Variants in SCHIP1 observed in about 807,000 individuals in gnomAD.
The protein encoded by SCHIP1 is schwannomin-interacting protein 1.
A neutral mutation model predicts 29.7 loss-of-function variants in SCHIP1; 8 were observed. The observed-to-expected ratio is 0.27, with a 90% CI of 0.16 to 0.49. The LOEUF is 0.49. Among genes scored for constraint, SCHIP1 ranks in the 20% least tolerant of loss-of-function variants. The pLI is 0.99. For synonymous variants in SCHIP1, 76 were observed against 94.9 expected, an observed-to-expected ratio of 0.80 and a Z score of 1.16; for missense variants, 193 against 294.6, an observed-to-expected ratio of 0.66 and a Z score of 2.52.
the SCHIP1 span, among the ~76,000 whole-genome samples, chr3:159,533,074 T>A: frequency 6.6e-6 from 1 of 152,214 alleles, no homozygotes; most frequent in African/African-American, 2.4e-5. Flanking sequence ...CACAGTCTAC[T>A]GGGTAAAATG....
chr3:159,589,363 T>A, the SCHIP1 span, among the ~76,000 whole-genome samples: 1 of 152,330 alleles, frequency 6.6e-6, no homozygotes, highest in East Asian at 1.9e-4. Context: ...GATTTTGGGC[T>A]GAGACGATGG....
chr3:159,423,740 C>T, the SCHIP1 span, among the ~76,000 whole-genome samples: 16 of 152,132 alleles, frequency 1.1e-4, no homozygotes, highest in East Asian at 1.9e-4. Flanking sequence ...GATCTGAGAA[C>T]GGGCAGACTG....
the SCHIP1 span, among the ~76,000 whole-genome samples, chr3:159,739,861 A>G: frequency 3.6e-3 from 544 of 152,364 alleles, 3 homozygotes; most frequent in African/African-American, 0.012. Flanking sequence ...TACATGAACA[A>G]CTGCGACCAA....
chr3:159,641,470 A>T, the SCHIP1 span, among the ~76,000 whole-genome samples: 1 of 152,150 alleles, frequency 6.6e-6, no homozygotes. Flanking sequence ...TTTTAGCATC[A>T]ATTTCATGGA....
the SCHIP1 span, among the ~76,000 whole-genome samples, chr3:159,657,798 G>A: frequency 6.6e-6 from 1 of 152,254 alleles, no homozygotes; most frequent in East Asian, 1.9e-4. Context: ...TGCATTCTGT[G>A]GACGCAGTTG....
At chr3:159,284,454 T>A in the SCHIP1 span, among the ~76,000 whole-genome samples, 1 of 152,190 alleles carries the variant, frequency 6.6e-6, no homozygotes, top group Admixed American at 6.5e-5. Flanking sequence ...TTTGATATTT[T>A]AATGTAATAT....
the SCHIP1 span, among the ~76,000 whole-genome samples, chr3:159,812,420 T>C: frequency 6.6e-6 from 1 of 152,166 alleles, no homozygotes; most frequent in Non-Finnish European, 1.5e-5. Flanking sequence ...CAAGTGGAGG[T>C]GTACTTAATA....
the SCHIP1 span, among the ~76,000 whole-genome samples, chr3:159,469,045 C>A: frequency 6.6e-6 from 1 of 151,964 alleles, no homozygotes; most frequent in Non-Finnish European, 1.5e-5. Context: ...GGATTACAGG[C>A]ATCAGCCACT....
At chr3:159,355,444 T>C in the SCHIP1 span, among the ~76,000 whole-genome samples, 4 of 152,096 alleles carry the variant, frequency 2.6e-5, no homozygotes, top group African/African-American at 9.7e-5. Flanking sequence ...CAGCCAGGGA[T>C]GAGGACATTT....
At chr3:159,632,453 C>T in the SCHIP1 span, among the ~76,000 whole-genome samples, 1 of 152,118 alleles carries the variant, frequency 6.6e-6, no homozygotes, top group Admixed American at 6.6e-5. Context: ...TCCCTCAGGG[C>T]GAGGCCTTTG....
the SCHIP1 span, among the ~76,000 whole-genome samples, chr3:159,397,016 G>A: frequency 0.31 from 41,510 of 133,592 alleles, 8,065 homozygotes; most frequent in East Asian, 0.44. Context: ...GGCTTTGCTC[G>A]TTTCTTTTTA....
At chr3:159,781,916 A>G in the SCHIP1 span, among the ~76,000 whole-genome samples, 11 of 152,256 alleles carry the variant, frequency 7.2e-5, no homozygotes, top group Admixed American at 3.9e-4. Flanking sequence ...AAAAGCAAGC[A>G]TGTTCACATT....
At chr3:159,574,753 G>C in the SCHIP1 span, among the ~76,000 whole-genome samples, 61 of 152,198 alleles carry the variant, frequency 4.0e-4, no homozygotes, top group Non-Finnish European at 6.8e-4. Flanking sequence ...TTATTGAGCT[G>C]CAGTGGGCTC....
intron 3 of SCHIP1, chr3:159,886,558 A>C: frequency 2.6e-6 from 1 of 384,220 alleles, no homozygotes; most frequent in Non-Finnish European, 4.7e-6. Context: ...ACCATTAGAG[A>C]AATCACCAGC....
At chr3:159,663,393 C>T in the SCHIP1 span, among the ~76,000 whole-genome samples, 1 of 152,124 alleles carries the variant, frequency 6.6e-6, no homozygotes, top group African/African-American at 2.4e-5. Flanking sequence ...AGATGACTGA[C>T]AGAGTGGCTC....
At chr3:159,552,680 CT>C in the SCHIP1 span, among the ~76,000 whole-genome samples, 1 of 152,142 alleles carries the variant, frequency 6.6e-6, no homozygotes, top group East Asian at 1.9e-4. Context: ...ATCTTTCTTG[CT>C]TTTCAATTAC....
the SCHIP1 span, among the ~76,000 whole-genome samples, chr3:159,515,606 C>T: frequency 7.2e-5 from 11 of 152,172 alleles, no homozygotes; most frequent in Non-Finnish European, 1.5e-4. Flanking sequence ...TATTAGTGCC[C>T]GTTTTAATGA....
At chr3:159,574,948 A>G in the SCHIP1 span, among the ~76,000 whole-genome samples, 9 of 152,228 alleles carry the variant, frequency 5.9e-5, no homozygotes, top group African/African-American at 2.2e-4. Flanking sequence ...GCCAGTTGCT[A>G]AAACCTTGGG....
the SCHIP1 span, among the ~76,000 whole-genome samples, chr3:159,664,176 C>G: frequency 4.6e-5 from 7 of 152,294 alleles, 1 homozygote; most frequent in African/African-American, 1.7e-4. Flanking sequence ...TTTCATTCAT[C>G]TCTCCCCACT....
Sources: allele counts gnomAD v4.1 joint callset (sites outside exome capture counted in the v4.1 genomes callset), GRCh38; gene constraint gnomAD v4.1.1; transcripts MANE v1.5; gene names NCBI Gene and HGNC (gene_info 2026-07-23, HGNC 2026-07-21).